Variants in JAZF1 observed in about 807,000 individuals in gnomAD.
JAZF1 encodes juxtaposed with another zinc finger protein 1.
A neutral mutation model predicts 26.4 loss-of-function variants in JAZF1; 8 were observed. That is an observed-to-expected ratio of 0.30 (90% confidence interval 0.18 to 0.55). The LOEUF (loss-of-function observed/expected upper bound fraction) is 0.55, where lower values mean the gene tolerates loss of function less well. Ranked by LOEUF, JAZF1 falls within the 20% of genes least tolerant of loss-of-function variation. The probability of loss-of-function intolerance (pLI) is 0.94; values close to 1 mark genes in which losing one functional copy is unlikely to be tolerated. For synonymous variants in JAZF1, 126 were observed against 122.3 expected (o/e 1.03, Z -0.20); for missense variants, 199 against 322.0 (o/e 0.62, Z 2.92).
chr7:27,988,106 A>G (rs1020518118), intron 2 of JAZF1, among the ~76,000 whole-genome samples: 1 of 151,964 alleles, frequency 6.6e-6, no homozygotes, highest in Non-Finnish European at 1.5e-5. Flanking sequence ...TCACATGTTT[A>G]TCTGCTGACC....
intron 3 of JAZF1, among the ~76,000 whole-genome samples, chr7:27,850,064 T>A (rs184788350): frequency 6.6e-6 from 1 of 152,324 alleles, no homozygotes; most frequent in East Asian, 1.9e-4. Context: ...ATGCCACATT[T>A]TTCTTATAAT....
intron 1 of JAZF1, among the ~76,000 whole-genome samples, chr7:28,147,703 T>C (rs1398588073): frequency 6.7e-6 from 1 of 148,640 alleles, no homozygotes; most frequent in African/African-American, 2.5e-5. Context: ...AAAAAGTATA[T>C]ATACATATAT....
intron 1 of JAZF1, among the ~76,000 whole-genome samples, chr7:28,030,143 G>A (rs895374145): frequency 1.3e-5 from 2 of 152,202 alleles, no homozygotes; most frequent in African/African-American, 4.8e-5. Flanking sequence ...GTAGGGGCTG[G>A]CGCAGGATGG....
intron 3 of JAZF1, among the ~76,000 whole-genome samples, chr7:27,845,357 T>A (rs1783000381): frequency 1.3e-5 from 2 of 152,150 alleles, no homozygotes; most frequent in Admixed American, 1.3e-4. Flanking sequence ...CACTTCAGAA[T>A]GAACAATGCA....
At chr7:27,863,477 C>T (rs73083364) in intron 3 of JAZF1, among the ~76,000 whole-genome samples, 11,503 of 152,290 alleles carry the variant, frequency 0.076, 636 homozygotes, top group Middle Eastern at 0.12. Flanking sequence ...CCCTGATCAC[C>T]TCCCTGCCGA....
intron 1 of JAZF1, among the ~76,000 whole-genome samples, chr7:28,139,146 T>C (rs1357833470): frequency 6.6e-6 from 1 of 152,174 alleles, no homozygotes; most frequent in Non-Finnish European, 1.5e-5. Flanking sequence ...AACACTGATT[T>C]TGTATCCTCC....
chr7:27,985,293 T>C lies in JAZF1; in HGVS notation c.188+6616A>G, dbSNP rs180895908. 2.2e-3 allele frequency among the ~76,000 whole-genome samples: 333 copies of C among 152,206 alleles called. 4 individuals carry two copies. The highest frequency in any genetic ancestry group is 0.016 in the Admixed American group (247 of 15,296). The stretch of plus-strand genomic sequence containing the variant: ...AATATCACCACCAATCCCACAGAAA[T>C]ACAAACTACCATCAGAGAATACTAT... On this transcript the variant is annotated intron_variant, in intron 2 of 4. Coordinates refer to ENST00000283928, the MANE Select transcript of JAZF1 (RefSeq NM_175061.4).
chr7:28,165,489 T>C (rs188756270), intron 1 of JAZF1, among the ~76,000 whole-genome samples: 1 of 152,138 alleles, frequency 6.6e-6, no homozygotes, highest in African/African-American at 2.4e-5. Context: ...ACATTCCACA[T>C]CATCCTTTGG....
intron 1 of JAZF1, among the ~76,000 whole-genome samples, chr7:28,143,259 T>C (rs1160357681): frequency 6.6e-6 from 1 of 152,182 alleles, no homozygotes; most frequent in Non-Finnish European, 1.5e-5. Flanking sequence ...TCCTGATACT[T>C]GTGTGTCTTC....
chr7:28,136,397 C>G (rs1255534643), intron 1 of JAZF1, among the ~76,000 whole-genome samples: 1 of 152,190 alleles, frequency 6.6e-6, no homozygotes, highest in African/African-American at 2.4e-5. Context: ...ATGGAAAATT[C>G]AACCTCCCTC....
At chr7:28,015,805 G>C (rs1025955789) in intron 1 of JAZF1, among the ~76,000 whole-genome samples, 1 of 152,074 alleles carries the variant, frequency 6.6e-6, no homozygotes, top group Non-Finnish European at 1.5e-5. Flanking sequence ...TCTTTGTATT[G>C]TCAGCTCTGG....
At chr7:28,124,243 C>T (rs1331211341) in intron 1 of JAZF1, among the ~76,000 whole-genome samples, 1 of 152,166 alleles carries the variant, frequency 6.6e-6, no homozygotes, top group African/African-American at 2.4e-5. Flanking sequence ...CCCGTGAGGA[C>T]ACAGCGAGGG....
intron 1 of JAZF1, among the ~76,000 whole-genome samples, chr7:28,175,618 T>G (rs1481155423): frequency 6.6e-6 from 1 of 152,216 alleles, no homozygotes; most frequent in Non-Finnish European, 1.5e-5. Context: ...CCAAGCAGGC[T>G]GGATTCGCTA....
chr7:28,008,271 C>T (rs1212923143), intron 1 of JAZF1, among the ~76,000 whole-genome samples: 2 of 152,186 alleles, frequency 1.3e-5, no homozygotes, highest in African/African-American at 2.4e-5. Flanking sequence ...GGCTGCAGTA[C>T]AGTGGCACAA....
In JAZF1 at chr7:28,102,395, T is replaced by C. The variant is rs577491370; in HGVS notation, c.115+78068A>G. Among the ~76,000 whole-genome samples the C allele has an allele frequency of 1.9e-4, 29 of 152,370 alleles. No individual in the cohort carries two copies. In the East Asian group the frequency reaches 3.3e-3, roughly 17 times the overall value. On this transcript the variant is annotated intron_variant, in intron 1 of 4. Coordinates refer to ENST00000283928, the MANE Select transcript of JAZF1 (RefSeq NM_175061.4). ...CAGAGCATGCTTAAGGCTCTGTGAATAGAAACGATTCCCATAAGTATCACT... is the reference window on the plus strand; with the variant it reads ...CAGAGCATGCTTAAGGCTCTGTGAACAGAAACGATTCCCATAAGTATCACT...
intron 1 of JAZF1, among the ~76,000 whole-genome samples, chr7:28,080,667 G>A (rs1227043754): frequency 1.3e-5 from 2 of 152,180 alleles, no homozygotes; most frequent in African/African-American, 4.8e-5. Flanking sequence ...GGCAGGCTCA[G>A]GGAGAGGAAG....
At chr7:27,976,116 G>C (rs550308753) in intron 2 of JAZF1, among the ~76,000 whole-genome samples, 1 of 152,088 alleles carries the variant, frequency 6.6e-6, no homozygotes, top group Non-Finnish European at 1.5e-5. Context: ...AGGCCAAGGC[G>C]GGCGGATCAC....
intron 2 of JAZF1, among the ~76,000 whole-genome samples, chr7:27,923,596 A>G (rs925896459): frequency 6.6e-6 from 1 of 152,210 alleles, no homozygotes; most frequent in African/African-American, 2.4e-5. Flanking sequence ...GGATGGGAGC[A>G]TGGCTGGGCT....
At chr7:27,846,589 G>A (rs1405101262) in intron 3 of JAZF1, 2 of 470,086 alleles carry the variant, frequency 4.3e-6, no homozygotes, top group South Asian at 3.1e-5. Flanking sequence ...GGGTCATATG[G>A]TTAGCTCTAT....
Sources: allele counts gnomAD v4.1 joint callset (sites outside exome capture counted in the v4.1 genomes callset), GRCh38; gene constraint gnomAD v4.1.1; transcripts MANE v1.5; gene names NCBI Gene and HGNC (gene_info 2026-07-23, HGNC 2026-07-21).